Variants in TRDN observed in about 807,000 individuals in gnomAD.
TRDN encodes the protein triadin in skeletal muscle.
Under a neutral mutation model 149.7 loss-of-function variants are expected in TRDN, and 161 were observed. That is an observed-to-expected ratio of 1.08 (90% CI 0.95 to 1.23). The LOEUF (loss-of-function observed/expected upper bound fraction) is 1.23. Ranked by LOEUF, TRDN falls within the 50% of genes most tolerant of loss-of-function variation. The pLI, the probability that TRDN is intolerant of heterozygous loss-of-function variation, is 0.00. For synonymous variants in TRDN, 294 were observed against 250.5 expected, an observed-to-expected ratio of 1.17 and a Z score of -1.64; for missense variants, 896 against 823.5, an observed-to-expected ratio of 1.09 and a Z score of -1.08.
chr6:123,470,809 TG>T (rs1225939471), intron 9 of TRDN: 3 of 152,198 alleles, frequency 2.0e-5, no homozygotes, highest in African/African-American at 7.2e-5. Context: ...TCAGATCAGC[TG>T]GAGACTACTG....
intron 4 of TRDN, among the ~76,000 whole-genome samples, chr6:123,545,849 A>G (rs73536761): frequency 0.031 from 4,784 of 152,170 alleles, 99 homozygotes; most frequent in African/African-American, 0.063. Flanking sequence ...TATACTAATT[A>G]CTATATGAAG....
intron 21 of TRDN, among the ~76,000 whole-genome samples, chr6:123,347,871 A>G (rs1780315801): frequency 6.6e-6 from 1 of 152,132 alleles, no homozygotes. Context: ...AACTAAGCCC[A>G]AAGTTTTATT....
chr6:123,294,921 C>A (rs1022225260), intron 24 of TRDN, among the ~76,000 whole-genome samples: 4 of 152,112 alleles, frequency 2.6e-5, no homozygotes, highest in African/African-American at 9.7e-5. Flanking sequence ...TAGGCAGGGC[C>A]TACTCCCATA....
chr6:123,437,250 C>T (rs1357861001), intron 12 of TRDN: 1 of 228,540 alleles, frequency 4.4e-6, no homozygotes, highest in Non-Finnish European at 8.8e-6. Context: ...GTGGTCCTCA[C>T]CTTGATTAAA....
intron 2 of TRDN, among the ~76,000 whole-genome samples, chr6:123,562,625 C>T (rs1186107623): frequency 6.6e-6 from 1 of 152,082 alleles, no homozygotes; most frequent in African/African-American, 2.4e-5. Flanking sequence ...TTTGTTATAT[C>T]AGCCAAAAGA....
At chr6:123,270,240 C>T (rs1010698568) in intron 30 of TRDN, among the ~76,000 whole-genome samples, 6 of 151,734 alleles carry the variant, frequency 4.0e-5, no homozygotes, top group Non-Finnish European at 7.4e-5. Context: ...AGGCAGTGGT[C>T]GGAAGAAAGT....
chr6:123,530,473 A>T (rs760299273), intron 5 of TRDN, 33 bp downstream of exon 5: 1 of 1,167,116 alleles, frequency 8.6e-7, no homozygotes, highest in Non-Finnish European at 1.1e-6. Context: ...ATGTATATCT[A>T]AATGAAGAAT....
intron 10 of TRDN, among the ~76,000 whole-genome samples, chr6:123,443,825 G>C (rs1266697431): frequency 6.7e-6 from 1 of 149,110 alleles, no homozygotes; most frequent in African/African-American, 2.6e-5. Flanking sequence ...AGATCAGATA[G>C]TTATAGATAT....
chr6:123,544,020 A>C (rs892114857), intron 4 of TRDN, among the ~76,000 whole-genome samples: 7 of 152,098 alleles, frequency 4.6e-5, no homozygotes, highest in Admixed American at 2.0e-4. Context: ...GACTATAAGA[A>C]TCTAAGAATC....
chr6:123,263,514 A>G (rs141618825), intron 33 of TRDN, among the ~76,000 whole-genome samples: 1 of 152,142 alleles, frequency 6.6e-6, no homozygotes, highest in East Asian at 1.9e-4. Context: ...TAAGCTTTCA[A>G]TGTAGACAAA....
intron 32 of TRDN, 45 bp downstream of exon 32, chr6:123,267,662 A>G: frequency 7.6e-7 from 1 of 1,317,580 alleles, no homozygotes; most frequent in Non-Finnish European, 1.0e-6. Context: ...ATATAATAAA[A>G]ATAGTGAACA....
intron 26 of TRDN, 68 bp from the exon 27 acceptor site, chr6:123,274,738 G>A (rs1342579781): frequency 1.4e-6 from 2 of 1,405,514 alleles, no homozygotes; most frequent in Non-Finnish European, 2.0e-6. Flanking sequence ...TTAATTTTTA[G>A]AAATAATTTT....
chr6:123,476,082 T>C lies in TRDN; in HGVS notation c.854-11099A>G, dbSNP rs1384120051. On this transcript the variant is annotated intron_variant, in intron 9 of 40. Transcript: ENST00000334268. ...AGGGCAATTAGGCAGGAGAAGGAAA[T>C]AAATGGTATTCAATTAGGAAAAGAG... Among the ~76,000 whole-genome samples the C allele has an allele frequency of 3.6e-5, 5 of 137,030 alleles. 1 individual carries two copies. Among genetic ancestry groups the C allele is most frequent in the Admixed American group, 2.2e-4 (3 of 13,614 alleles). The allele number at this position is 137,030 out of a possible 152,430, so 89.9% of individuals were successfully genotyped here. A position where few individuals can be genotyped will look rare whatever the true frequency, so the allele number is the denominator to read the frequency against.
chr6:123,573,060 A>G (rs772450395), intron 1 of TRDN, among the ~76,000 whole-genome samples: 54 of 152,200 alleles, frequency 3.5e-4, no homozygotes, highest in Non-Finnish European at 5.4e-4. Context: ...CTACCATCAC[A>G]ACTCTTCCTT....
intron 12 of TRDN, among the ~76,000 whole-genome samples, chr6:123,408,504 C>A (rs563237007): frequency 1.4e-3 from 209 of 151,964 alleles, no homozygotes; most frequent in Non-Finnish European, 2.6e-3. Flanking sequence ...ATGGAGAAAC[C>A]CTGTCTCTAC....
chr6:123,444,638 T>C (rs1477349923), intron 10 of TRDN, among the ~76,000 whole-genome samples: 2 of 151,410 alleles, frequency 1.3e-5, no homozygotes, highest in African/African-American at 4.9e-5. Context: ...GCCCATTCAG[T>C]ATGATATTGG....
chr6:123,221,190 C>T (rs548484565), intron 40 of TRDN, among the ~76,000 whole-genome samples: 1 of 151,850 alleles, frequency 6.6e-6, no homozygotes, highest in East Asian at 1.9e-4. Context: ...GGCAGTAAGA[C>T]ACATTTAAGC....
rs1340624357 is a variant in TRDN at position 123,410,640 on chromosome 6, A to C, written c.1052-16963T>G. ...TGAAAATACATGTGGTATTAATTAA[A>C]TGTACAGTGATTTATACACAGTTTT... On this transcript the variant is annotated intron_variant, in intron 12 of 40. Coordinates refer to ENST00000334268, the MANE Select transcript of TRDN (RefSeq NM_006073.4). Among the ~76,000 whole-genome samples the C allele has an allele frequency of 2.6e-5, 4 of 152,254 alleles. No homozygotes were observed. The East Asian group carries it at 7.8e-4, about 30-fold the overall frequency.
intron 37 of TRDN, 108 bp from the exon 38 acceptor site, chr6:123,252,543 A>G (rs1776411474): frequency 1.8e-6 from 1 of 570,146 alleles, no homozygotes; most frequent in Non-Finnish European, 3.0e-6. Flanking sequence ...CTTGCTTATT[A>G]TTTAAGAATC....
Sources: allele counts gnomAD v4.1 joint callset (sites outside exome capture counted in the v4.1 genomes callset), GRCh38; gene constraint gnomAD v4.1.1; transcripts MANE v1.5; gene names NCBI Gene and HGNC (gene_info 2026-07-23, HGNC 2026-07-21).